MINDY4: variants seen among roughly 807,000 people sequenced by gnomAD.
MINDY4 encodes the protein MINDY lysine 48 deubiquitinase 4, also known as probable ubiquitin carboxyl-terminal hydrolase MINDY-4.
Under a neutral mutation model 87.0 loss-of-function variants are expected in MINDY4, and 68 were observed. The ratio of observed to expected loss-of-function variants is 0.78; its 90% confidence interval spans 0.64 to 0.96. The LOEUF (loss-of-function observed/expected upper bound fraction) is 0.96, where lower values mean the gene tolerates loss of function less well. Among genes scored for constraint, MINDY4 ranks in the 40% least tolerant of loss-of-function variants. The pLI, the probability that MINDY4 is intolerant of heterozygous loss-of-function variation, is 0.00. For synonymous variants in MINDY4, 379 were observed against 363.2 expected, an observed-to-expected ratio of 1.04 and a Z score of -0.50; for missense variants, 919 against 928.2, an observed-to-expected ratio of 0.99 and a Z score of 0.13.
chr7:30,882,918 C>G lies in MINDY4; in HGVS notation c.2153-3C>G. 6.2e-7 allele frequency: 1 copy of G among 1,613,834 alleles called. No homozygotes were observed. Among genetic ancestry groups the G allele is most frequent in the South Asian group, 1.1e-5 (1 of 91,050 alleles). On this transcript the variant is annotated splice_polypyrimidine_tract_variant and splice_region_variant and intron_variant, in intron 16 of 17. Transcript: ENST00000265299. Reference sequence around the variant, plus strand: ...ATGTGTGTGCCTCTCTCCTCCTTCCCAGACACCACCCAAACCATCTCTGAG... The same window carrying G: ...ATGTGTGTGCCTCTCTCCTCCTTCCGAGACACCACCCAAACCATCTCTGAG...
In MINDY4 at chr7:30,862,988, C is replaced by T. The variant is rs1157760848; in HGVS notation, c.1745+3664C>T. Among the ~76,000 whole-genome samples the T allele has an allele frequency of 7.2e-5, 11 of 152,300 alleles. 1 individual carries two copies. In the South Asian group the frequency reaches 8.3e-4, roughly 11 times the overall value. On this transcript the variant is annotated intron_variant, in intron 13 of 17. Transcript: ENST00000265299. Reference sequence around the variant, plus strand: ...CGGCAGAGGTGGGAGGGAGAGGCCCCTGCTGCCCCCCTCCCCAGCCTGCCA... The same window carrying T: ...CGGCAGAGGTGGGAGGGAGAGGCCCTTGCTGCCCCCCTCCCCAGCCTGCCA...
In MINDY4 at chr7:30,882,281, A is replaced by G; in HGVS notation, c.2072A>G (p.Asp691Gly). 6.2e-7 allele frequency: 1 copy of G among 1,613,930 alleles called. No homozygotes were observed. The highest frequency in any genetic ancestry group is 1.1e-5 in the South Asian group (1 of 91,070). The change falls in exon 16 of 18, where the codon GAC (aspartate) becomes GGC (glycine). Residue 691 changes from aspartate (D) to glycine (G), a missense_variant. Asp to Gly is a moderately conservative substitution (Grantham distance 94). Coordinates refer to ENST00000265299, the MANE Select transcript of MINDY4 (RefSeq NM_032222.3). Reference protein sequence around the residue: ...LFSLQPGLLRDWRTERLFDLY... With the variant: ...LFSLQPGLLRGWRTERLFDLY... ...AGCCTGCAGCCGGGGCTCCTGCGTG[A>G]CTGGAGGACTGAGAGGCTCTTTGAC...
At chr7:30,883,173 G>T (rs537702341) in intron 17 of MINDY4, among the ~76,000 whole-genome samples, 180 bp downstream of exon 17, 6 of 152,354 alleles carry the variant, frequency 3.9e-5, no homozygotes, top group African/African-American at 1.2e-4. Flanking sequence ...CCAGGTTCAG[G>T]AGTGTGTGGT....
At chr7:30,877,660 CTCTTCTTCTTCT>C (rs560853626) in intron 15 of MINDY4, among the ~76,000 whole-genome samples, 1 of 143,822 alleles carries the variant, frequency 7.0e-6, no homozygotes, top group East Asian at 2.1e-4. Flanking sequence ...AAGCCCTTCC[CTCTTCTTCTTCT>C]TCTTCTTCTT....
rs771886071 is a variant in MINDY4, at chr7:30,785,874, T to C, written c.545T>C (p.Ile182Thr). 273 of 1,614,072 alleles carry C rather than the reference T, an allele frequency of 1.7e-4. No individual in the cohort carries two copies. The highest frequency in any genetic ancestry group is 2.1e-4 in the Non-Finnish European group (250 of 1,180,050). Residue 182 changes from isoleucine to threonine, a missense_variant, in exon 4 of 18, where the codon ATA (isoleucine) becomes ACA (threonine). Coordinates refer to ENST00000265299, the MANE Select transcript of MINDY4 (RefSeq NM_032222.3). ...TPVLTSAWEKIDKLHSEPSLD... is the reference protein window; with the variant it reads ...TPVLTSAWEKTDKLHSEPSLD... ...GTGTTGACTTCTGCATGGGAGAAGA[T>C]AGACAAGCTTCACTCGGAGCCTTCC...
At chr7:30,774,432 G>A (rs1786745420) in intron 1 of MINDY4, among the ~76,000 whole-genome samples, 1 of 152,000 alleles carries the variant, frequency 6.6e-6, no homozygotes, top group South Asian at 2.1e-4. Flanking sequence ...CCTCTACTAG[G>A]TTACTCCTAT....
At chr7:30,889,230 A>G (rs1790722091) in intron 17 of MINDY4, among the ~76,000 whole-genome samples, 2 of 152,232 alleles carry the variant, frequency 1.3e-5, no homozygotes, top group Admixed American at 6.5e-5. Context: ...AACTGCAAAG[A>G]TGATGAACAG....
intron 2 of MINDY4, 111 bp from the exon 3 acceptor site, chr7:30,781,866 G>C: frequency 1.4e-6 from 1 of 709,874 alleles, no homozygotes; most frequent in Non-Finnish European, 2.3e-6. Context: ...AAGCTTGTAT[G>C]AATGAGTGAG....
chr7:30,780,319 C>T (rs2128165662), intron 2 of MINDY4: 1 of 152,324 alleles, frequency 6.6e-6, no homozygotes, highest in African/African-American at 2.4e-5. Flanking sequence ...CCAGAAAATT[C>T]AGTTAACCAT....
In MINDY4 at chr7:30,791,424, A is replaced by G; in HGVS notation, c.923A>G (p.Asp308Gly). Residue 308 changes from aspartate to glycine, a missense_variant, in exon 5 of 18, where the codon GAT becomes GGT. By Grantham distance (94) the Asp-to-Gly change is moderately conservative. Coordinates refer to ENST00000265299, the MANE Select transcript of MINDY4 (RefSeq NM_032222.3). ...LPPWDRARPR[D>G]PSEDTPAVDG... ...CCATGGGACAGGGCCAGGCCGAGGG[A>G]TCCCTCCGAGGACACCCCAGCAGTG... 6.2e-7 allele frequency: 1 copy of G among 1,614,138 alleles called. No homozygotes were observed. Among genetic ancestry groups the G allele is most frequent in the Admixed American group, 1.7e-5 (1 of 60,034 alleles).
At chr7:30,861,571 G>C (rs1210860122) in intron 13 of MINDY4, among the ~76,000 whole-genome samples, 1 of 152,248 alleles carries the variant, frequency 6.6e-6, no homozygotes, top group Admixed American at 6.5e-5. Flanking sequence ...GGAAAAAGTT[G>C]GTTGGTTTTA....
intron 2 of MINDY4, 62 bp from the exon 3 acceptor site, chr7:30,781,915 T>C: frequency 8.4e-7 from 1 of 1,189,316 alleles, no homozygotes; most frequent in Non-Finnish European, 1.2e-6. Flanking sequence ...AATAGTTGTC[T>C]TTTCCACTCT....
chr7:30,824,381 C>G (rs1469737812), intron 5 of MINDY4, among the ~76,000 whole-genome samples: 1 of 152,194 alleles, frequency 6.6e-6, no homozygotes, highest in Non-Finnish European at 1.5e-5. Flanking sequence ...TCAATCATCT[C>G]CTGAATGCCC....
At chr7:30,810,709 C>T (rs1787966089) in intron 5 of MINDY4, among the ~76,000 whole-genome samples, 1 of 151,914 alleles carries the variant, frequency 6.6e-6, no homozygotes, top group Admixed American at 6.5e-5. Context: ...AATATGTATA[C>T]AAAGTTTTAT....
At chr7:30,807,947 C>CT (rs1787862445) in intron 5 of MINDY4, among the ~76,000 whole-genome samples, 1 of 152,214 alleles carries the variant, frequency 6.6e-6, no homozygotes, top group Non-Finnish European at 1.5e-5. Context: ...GCCCTTCCTT[C>CT]TTTAACTCAG....
At chr7:30,773,787 A>G (rs945614486) in intron 1 of MINDY4, among the ~76,000 whole-genome samples, 5 of 152,000 alleles carry the variant, frequency 3.3e-5, no homozygotes, top group African/African-American at 4.8e-5. Context: ...GTTTCCCATC[A>G]TAGCCCCACG....
At chr7:30,890,036 C>A (rs188388760) in intron 17 of MINDY4, among the ~76,000 whole-genome samples, 235 of 152,294 alleles carry the variant, frequency 1.5e-3, no homozygotes, top group Middle Eastern at 3.4e-3. Flanking sequence ...GGATTGATTG[C>A]CAAAAGGCCA....
At chr7:30,864,696 C>T (rs1210431511) in intron 13 of MINDY4, among the ~76,000 whole-genome samples, 1 of 152,232 alleles carries the variant, frequency 6.6e-6, no homozygotes, top group African/African-American at 2.4e-5. Context: ...GGGGTATCCC[C>T]AAAAGGCAGT....
chr7:30,882,467 G>C, intron 16 of MINDY4, 106 bp downstream of exon 16: 2 of 1,020,864 alleles, frequency 2.0e-6, no homozygotes. Flanking sequence ...ATGACAGAGA[G>C]CAGTGCAGAC....
Sources: gnomAD v4.1 joint callset for allele counts (sites outside exome capture counted in the v4.1 genomes callset) on GRCh38, gnomAD v4.1.1 for gene constraint, MANE v1.5 for transcripts, NCBI Gene and HGNC (gene_info 2026-07-23, HGNC 2026-07-21) for gene names.